Variants in PCSK2 observed in about 807,000 individuals in gnomAD.
The protein encoded by PCSK2 is neuroendocrine convertase 2.
PCSK2 carries 14 observed loss-of-function variants against 69.7 expected under a neutral mutation model. That is an observed-to-expected ratio of 0.20 (90% confidence interval 0.13 to 0.31). The LOEUF (loss-of-function observed/expected upper bound fraction) is 0.31, where lower values mean the gene tolerates loss of function less well. Ranked by LOEUF, PCSK2 falls within the 10% of genes least tolerant of loss-of-function variation. The pLI is 1.00. For missense variants in PCSK2, 544 were observed against 842.5 expected, an observed-to-expected ratio of 0.65 and a Z score of 4.39; for synonymous variants, 307 against 320.7, an observed-to-expected ratio of 0.96 and a Z score of 0.46.
chr20:17,348,105 AAAG>A (rs1232283829), intron 2 of PCSK2, among the ~76,000 whole-genome samples: 1 of 146,462 alleles, frequency 6.8e-6, no homozygotes, highest in Non-Finnish European at 1.5e-5. Context: ...GAAAGAAAGA[AAAG>A]AAAAGAAAGA....
At chr20:17,405,072 G>A (rs192735698) in intron 5 of PCSK2, among the ~76,000 whole-genome samples, 91 of 152,308 alleles carry the variant, frequency 6.0e-4, no homozygotes, top group African/African-American at 1.9e-3. Context: ...CCCATACTGC[G>A]TGGGGCAACG....
intron 8 of PCSK2, among the ~76,000 whole-genome samples, chr20:17,443,922 T>G (rs1395470084): frequency 6.6e-6 from 1 of 152,244 alleles, no homozygotes; most frequent in African/African-American, 2.4e-5. Flanking sequence ...TTATTTCACA[T>G]TTGACTTTTC....
chr20:17,315,734 G>T (rs116563470), intron 2 of PCSK2, among the ~76,000 whole-genome samples: 1,610 of 152,348 alleles, frequency 0.011, 22 homozygotes, highest in African/African-American at 0.035. Flanking sequence ...AGCCTGGCTT[G>T]GGGGTGAGTC....
chr20:17,466,318 G>C (rs962851678), intron 11 of PCSK2, among the ~76,000 whole-genome samples: 1 of 152,028 alleles, frequency 6.6e-6, no homozygotes, highest in African/African-American at 2.4e-5. Context: ...AGATTATTTC[G>C]CTTGGAGTTA....
Position 17,453,105 on chromosome 20 carries a change from T to C in PCSK2, c.886-637T>C, listed in dbSNP as rs1018280049. ...TGTTTAAAAGGATTCTAGTATCCAA[T>C]TGAATAAAAAAGAATATATACATAT... is the stretch of plus-strand genomic sequence containing the variant. On this transcript the variant is annotated intron_variant, in intron 8 of 11. Transcript: ENST00000262545. The surrounding 1 kb of genome is among the most constrained non-coding windows in gnomAD (Gnocchi z 4.0). 2.6e-5 allele frequency among the ~76,000 whole-genome samples: 4 copies of C among 152,186 alleles called. No homozygotes were observed. Among genetic ancestry groups the C allele is most frequent in the East Asian group, 1.9e-4 (1 of 5,198 alleles).
At chr20:17,480,192 T>C (rs949098324) in intron 11 of PCSK2, among the ~76,000 whole-genome samples, 4 of 108,672 alleles carry the variant, frequency 3.7e-5, no homozygotes, top group Non-Finnish European at 4.1e-5. Context: ...TTCTTTTTTT[T>C]TTTTTTTTTT....
At chr20:17,291,818 A>G (rs910025061) in intron 2 of PCSK2, among the ~76,000 whole-genome samples, 1 of 152,142 alleles carries the variant, frequency 6.6e-6, no homozygotes, top group Admixed American at 6.5e-5. Context: ...GAGCTCCACA[A>G]AGTCATAAGG....
chr20:17,425,188 A>C (rs900259130), intron 6 of PCSK2, among the ~76,000 whole-genome samples: 2 of 152,220 alleles, frequency 1.3e-5, no homozygotes, highest in Non-Finnish European at 2.9e-5. Flanking sequence ...GAAATTGTCT[A>C]TATTTTTTTA....
chr20:17,344,341 A>G (rs2086493813), intron 2 of PCSK2, among the ~76,000 whole-genome samples: 1 of 151,314 alleles, frequency 6.6e-6, no homozygotes, highest in African/African-American at 2.4e-5. Flanking sequence ...ACATATGCCA[A>G]TTGCAATTTC....
chr20:17,314,729 T>C (rs2123118151), intron 2 of PCSK2, among the ~76,000 whole-genome samples: 1 of 152,336 alleles, frequency 6.6e-6, no homozygotes, highest in Non-Finnish European at 1.5e-5. Context: ...ACTTTATTGA[T>C]TTTTTAAGAT....
At position 17,227,285 on chromosome 20, in the gene PCSK2, A is replaced by G. The variant is rs1479748056; in HGVS notation, c.-21A>G. 1 of 1,609,902 alleles carries G rather than the reference A, an allele frequency of 6.2e-7. No individual in the cohort carries two copies. Among genetic ancestry groups the G allele is most frequent in the South Asian group, 1.1e-5 (1 of 90,934 alleles). On this transcript the variant is annotated 5_prime_UTR_variant, in exon 1 of 12. Coordinates refer to ENST00000262545, the MANE Select transcript of PCSK2 (RefSeq NM_002594.5). ...GCCAGCCTGCGCGCCTCCTAGCACC[A>G]CTTTTCACTCCCAAAGAAGGATGAA...
intron 2 of PCSK2, among the ~76,000 whole-genome samples, chr20:17,344,784 T>G (rs1198734201): frequency 6.6e-6 from 1 of 152,042 alleles, no homozygotes; most frequent in Non-Finnish European, 1.5e-5. Context: ...TGGAAGGCTC[T>G]TTTCCCAGTG....
At chr20:17,479,168 T>C (rs1318709740) in intron 11 of PCSK2, 4 of 1,388,952 alleles carry the variant, frequency 2.9e-6, no homozygotes, top group Non-Finnish European at 3.1e-6. Context: ...CCATCAGATG[T>C]GGTATCCCAA....
intron 2 of PCSK2, among the ~76,000 whole-genome samples, chr20:17,261,626 G>A (rs1243755788): frequency 6.6e-6 from 1 of 152,192 alleles, no homozygotes; most frequent in African/African-American, 2.4e-5. Context: ...AGACCTAAGG[G>A]AGAAGCTCTC....
chr20:17,315,076 G>A (rs187068331), intron 2 of PCSK2, among the ~76,000 whole-genome samples: 2 of 152,208 alleles, frequency 1.3e-5, no homozygotes, highest in East Asian at 3.9e-4. Flanking sequence ...AAGTCTCCCC[G>A]AGAAAACCCT....
At chr20:17,472,575 CT>C (rs554431549) in intron 11 of PCSK2, among the ~76,000 whole-genome samples, 6 of 151,734 alleles carry the variant, frequency 4.0e-5, no homozygotes, top group South Asian at 2.1e-4. Flanking sequence ...ATAACTTTTT[CT>C]TTTTTTTTGA....
chr20:17,276,445 A>AAC (rs58766799), intron 2 of PCSK2, among the ~76,000 whole-genome samples: 19,800 of 146,780 alleles, frequency 0.13, 1,535 homozygotes, highest in South Asian at 0.29. Flanking sequence ...TTTTAAATTC[A>AAC]ACACACACAC....
intron 2 of PCSK2, among the ~76,000 whole-genome samples, chr20:17,342,636 A>C (rs756877333): frequency 6.2e-5 from 9 of 144,224 alleles, no homozygotes; most frequent in Middle Eastern, 7.5e-3. Context: ...TCTTTAATAA[A>C]CTTTTTTTTT....
At chr20:17,268,062 T>TATATATATATATATATAA (rs1403191827) in intron 2 of PCSK2, among the ~76,000 whole-genome samples, 11 of 146,738 alleles carry the variant, frequency 7.5e-5, no homozygotes, top group African/African-American at 2.3e-4. Flanking sequence ...TATATATATA[T>TATATATATATATATATAA]AATGCATTTA....
Sources: allele counts gnomAD v4.1 joint callset (sites outside exome capture counted in the v4.1 genomes callset), GRCh38; gene constraint gnomAD v4.1.1; non-coding constraint Gnocchi (gnomAD v3.1); transcripts MANE v1.5; gene names NCBI Gene and HGNC (gene_info 2026-07-23, HGNC 2026-07-21).